The following ANXA4 variants were observed in gnomAD, a reference collection of about 807,000 sequenced individuals.
ANXA4 encodes the protein 35-beta calcimedin.
Under a neutral mutation model 49.8 loss-of-function variants are expected in ANXA4, and 39 were observed. That is an observed-to-expected ratio of 0.78 (90% CI 0.61 to 1.02). The LOEUF is 1.02. ANXA4 is among the 50% of genes least tolerant of loss of function. ANXA4 has a pLI of 0.00. For missense variants in ANXA4, 360 were observed against 410.1 expected, an observed-to-expected ratio of 0.88 and a Z score of 1.05; for synonymous variants, 134 against 152.5, an observed-to-expected ratio of 0.88 and a Z score of 0.89.
intron 2 of ANXA4, among the ~76,000 whole-genome samples, chr2:69,698,770 G>A (rs1678239558): frequency 6.6e-6 from 1 of 152,146 alleles, no homozygotes. Context: ...TCCTTTCTGC[G>A]CTACCAAGCT....
intron 7 of ANXA4, among the ~76,000 whole-genome samples, chr2:69,812,072 C>T (rs1673727703): frequency 6.6e-6 from 1 of 151,710 alleles, no homozygotes; most frequent in East Asian, 1.9e-4. Flanking sequence ...TCAAGTCCCA[C>T]CATAGGTCTC....
At chr2:69,685,710 C>T (rs1213048208) in intron 2 of ANXA4, among the ~76,000 whole-genome samples, 1 of 152,174 alleles carries the variant, frequency 6.6e-6, no homozygotes, top group Non-Finnish European at 1.5e-5. Context: ...ATAAGCAATA[C>T]TTGCTTTAAC....
At chr2:69,811,113 GA>G (rs1673689580) in intron 7 of ANXA4, 1 of 160,426 alleles carries the variant, frequency 6.2e-6, no homozygotes, top group South Asian at 1.7e-4. Flanking sequence ...TCATGACAGA[GA>G]TGCTGGTTCA....
chr2:69,771,050 T>TA (rs1671691721), intron 1 of ANXA4, among the ~76,000 whole-genome samples: 1 of 130,142 alleles, frequency 7.7e-6, no homozygotes, highest in African/African-American at 3.0e-5. Context: ...GCTATGACTG[T>TA]ACCACTGCAC....
At chr2:69,739,005 A>G (rs993475820), upstream of ANXA4, among the ~76,000 whole-genome samples, 3 of 152,224 alleles carry the variant, frequency 2.0e-5, no homozygotes, top group Non-Finnish European at 2.9e-5. Context: ...AGAACACCTC[A>G]ACTACATCTG....
At chr2:69,713,876 G>C (rs1353820017) in intron 2 of ANXA4, 1 of 152,252 alleles carries the variant, frequency 6.6e-6, no homozygotes. Flanking sequence ...AGCTTTCGCT[G>C]TCTACCCTGC....
At chr2:69,656,240 CGTATATATAT>C (rs1676444018) in intron 2 of ANXA4, among the ~76,000 whole-genome samples, 1 of 107,304 alleles carries the variant, frequency 9.3e-6, no homozygotes, top group Non-Finnish European at 1.8e-5. Flanking sequence ...TATATATATA[CGTATATATAT>C]GTATATACGT....
chr2:69,724,230 T>C (rs1669898295), intron 3 of ANXA4, among the ~76,000 whole-genome samples: 1 of 152,186 alleles, frequency 6.6e-6, no homozygotes, highest in African/African-American at 2.4e-5. Flanking sequence ...TTGTGCCCCA[T>C]CTCCTAGAAA....
intron 3 of ANXA4, among the ~76,000 whole-genome samples, chr2:69,799,102 A>G (rs897467683): frequency 7.2e-5 from 11 of 152,166 alleles, no homozygotes; most frequent in African/African-American, 2.2e-4. Context: ...TTTAGCTGCG[A>G]CCAAGTGTGC....
At chr2:69,667,074 G>A (rs1015404326) in intron 2 of ANXA4, among the ~76,000 whole-genome samples, 3 of 150,854 alleles carry the variant, frequency 2.0e-5, no homozygotes, top group African/African-American at 7.3e-5. Context: ...AAAATAAAAT[G>A]AAATAAAATA....
rs554812290 is a variant in ANXA4 at position 69,690,128 on chromosome 2, C to G, written n.767-30646C>G. ...TGCATAGTATTATTTGGATGTTAAA[C>G]ACATTTAATCAAAATTAAAATTTAA... On this transcript the variant is annotated intron_variant and non_coding_transcript_variant, in intron 2 of 3. Coordinates refer to the ANXA4 transcript ENST00000418066. Among the ~76,000 whole-genome samples, 8 of 152,260 alleles carry G rather than the reference C, an allele frequency of 5.3e-5. No homozygotes were observed. The East Asian group carries it at 1.5e-3, about 29-fold the overall frequency.
upstream of ANXA4, among the ~76,000 whole-genome samples, chr2:69,738,033 G>T (rs545220283): frequency 6.6e-5 from 10 of 152,230 alleles, no homozygotes; most frequent in African/African-American, 2.4e-4. Context: ...ATAATTTTTA[G>T]TATAAGTATG....
At chr2:69,651,828 GGCGGGGA>G (rs1676256143) in intron 1 of ANXA4, among the ~76,000 whole-genome samples, 1 of 43,264 alleles carries the variant, frequency 2.3e-5, no homozygotes, top group African/African-American at 1.0e-4. Flanking sequence ...GGGGGGGGGG[GGCGGGGA>G]GACAGAGTCT....
chr2:69,820,204 G>A (rs1674171395), intron 11 of ANXA4, among the ~76,000 whole-genome samples: 1 of 151,166 alleles, frequency 6.6e-6, no homozygotes, highest in African/African-American at 2.4e-5. Context: ...AGTAGTTGAG[G>A]ATCCAAACAT....
At chr2:69,686,259 A>G (rs756681942) in intron 2 of ANXA4, among the ~76,000 whole-genome samples, 4 of 151,928 alleles carry the variant, frequency 2.6e-5, no homozygotes, top group Non-Finnish European at 5.9e-5. Context: ...ATCTCTTCTC[A>G]CTGCAACCTC....
intron 3 of ANXA4, among the ~76,000 whole-genome samples, chr2:69,796,302 A>G (rs1028860844): frequency 1.3e-5 from 2 of 152,198 alleles, no homozygotes; most frequent in Admixed American, 1.3e-4. Context: ...GCAAGCCTGC[A>G]AAGCATCTCC....
intron 3 of ANXA4, among the ~76,000 whole-genome samples, chr2:69,728,818 G>C (rs1670027047): frequency 5.2e-5 from 4 of 77,482 alleles, no homozygotes; most frequent in African/African-American, 2.1e-4. Flanking sequence ...TTTTCTTCAA[G>C]ATAGACTTTG....
Position 69,785,569 on chromosome 2 carries a change from A to ATGATGATGATG in ANXA4, c.10-2483_10-2473dup, listed in dbSNP as rs1164495184. 2.0e-5 allele frequency among the ~76,000 whole-genome samples: 3 copies of ATGATGATGATG among 151,930 alleles called. No individual in the cohort carries two copies. The East Asian group carries it at 5.8e-4, about 29-fold the overall frequency. On this transcript the variant is annotated intron_variant, in intron 2 of 12. Transcript: ENST00000394295. ...GTTCTCTTTGATGATGATGATGATG[A>ATGATGATGATG]TGATGATGATGTTTCTGAGTTTTTG...
intron 2 of ANXA4, among the ~76,000 whole-genome samples, chr2:69,701,367 A>G (rs1368384552): frequency 1.3e-5 from 2 of 151,914 alleles, no homozygotes; most frequent in Non-Finnish European, 2.9e-5. Flanking sequence ...CATTCTCTCC[A>G]CTGCCCTCCG....
Sources: gnomAD v4.1 joint callset for allele counts (sites outside exome capture counted in the v4.1 genomes callset) on GRCh38, gnomAD v4.1.1 for gene constraint, MANE v1.5 for transcripts, NCBI Gene and HGNC (gene_info 2026-07-23, HGNC 2026-07-21) for gene names.